Variants in COLGALT2 observed in about 807,000 individuals in gnomAD.
COLGALT2 encodes the protein procollagen galactosyltransferase 2.
Under a neutral mutation model 73.4 loss-of-function variants are expected in COLGALT2, and 49 were observed. The observed-to-expected ratio is 0.67, with a 90% CI of 0.53 to 0.85. COLGALT2 has a LOEUF of 0.85. Ranked by LOEUF, COLGALT2 falls within the 40% of genes least tolerant of loss-of-function variation. The pLI is 0.00. For synonymous variants in COLGALT2, 295 were observed against 307.6 expected, an observed-to-expected ratio of 0.96 and a Z score of 0.43; for missense variants, 722 against 790.2, an observed-to-expected ratio of 0.91 and a Z score of 1.03.
intron 7 of COLGALT2, among the ~76,000 whole-genome samples, 195 bp from the exon 8 acceptor site, chr1:183,951,308 C>T (rs182002912): frequency 6.6e-6 from 1 of 152,292 alleles, no homozygotes; most frequent in Non-Finnish European, 1.5e-5. Context: ...ATTTTCAAAA[C>T]TCAACTCTTC....
chr1:183,975,246 A>T, intron 2 of COLGALT2, 32 bp from the exon 3 acceptor site: 1 of 1,351,598 alleles, frequency 7.4e-7, no homozygotes, highest in Non-Finnish European at 1.1e-6. Context: ...ATCATTATTG[A>T]GTGCCTACAT....
downstream of COLGALT2, among the ~76,000 whole-genome samples, chr1:183,932,684 A>G (rs924809452): frequency 1.3e-5 from 2 of 152,102 alleles, no homozygotes; most frequent in African/African-American, 4.8e-5. Context: ...GGCCCGGCGC[A>G]GCCTCCCTGG....
chr1:183,963,320 TA>T (rs370217171), intron 6 of COLGALT2, among the ~76,000 whole-genome samples: 3 of 152,300 alleles, frequency 2.0e-5, no homozygotes, highest in African/African-American at 4.8e-5. Context: ...ATGGGCATAA[TA>T]AAAACCCTTC....
chr1:183,974,095 T>G (rs1572649438), intron 3 of COLGALT2, among the ~76,000 whole-genome samples: 1 of 152,328 alleles, frequency 6.6e-6, no homozygotes, highest in East Asian at 1.9e-4. Context: ...CAAAAACACT[T>G]ATTGGCTGCC....
At chr1:183,990,564 A>T (rs1454438036) in intron 1 of COLGALT2, among the ~76,000 whole-genome samples, 5 of 152,202 alleles carry the variant, frequency 3.3e-5, no homozygotes, top group African/African-American at 1.2e-4. Context: ...AGTGCCAGGG[A>T]GGAGGGAGTG....
At chr1:183,942,645 T>C (rs1670146918) in intron 10 of COLGALT2, among the ~76,000 whole-genome samples, 1 of 152,238 alleles carries the variant, frequency 6.6e-6, no homozygotes, top group Non-Finnish European at 1.5e-5. Flanking sequence ...TTTCATGTTT[T>C]AGGTTTAAGT....
chr1:184,035,106 G>A (rs910815927), intron 1 of COLGALT2, among the ~76,000 whole-genome samples: 2 of 152,046 alleles, frequency 1.3e-5, no homozygotes, highest in African/African-American at 4.8e-5. Flanking sequence ...AGATTTCAAA[G>A]GTCTATGCAG....
chr1:184,009,320 GAT>G (rs977421875), intron 1 of COLGALT2, among the ~76,000 whole-genome samples: 1 of 152,150 alleles, frequency 6.6e-6, no homozygotes, highest in African/African-American at 2.4e-5. Context: ...TTTATTAAGA[GAT>G]TGACATTTTC....
chr1:183,938,906 T>C lies in COLGALT2; in HGVS notation c.1736A>G (p.Asp579Gly). 6.2e-7 allele frequency: 1 copy of C among 1,614,118 alleles called. No homozygotes were observed. The highest frequency in any genetic ancestry group is 1.1e-5 in the South Asian group (1 of 91,070). Residue 579 changes from aspartate to glycine, a missense_variant, in exon 12 of 12, where the codon GAC becomes GGC. Physicochemically the swap from Asp to Gly is moderately conservative, Grantham distance 94. Coordinates refer to ENST00000361927, the MANE Select transcript of COLGALT2 (RefSeq NM_015101.4). ...LSDTETSTIW[D>G]NETVATDWDR... ...CCAGTCGGTGGCCACTGTCTCATTG[T>C]CCCAGATGGTGGAGGTCTCCGTGTC...
chr1:183,975,710 C>T (rs1671170906), intron 2 of COLGALT2, among the ~76,000 whole-genome samples: 1 of 152,218 alleles, frequency 6.6e-6, no homozygotes, highest in Non-Finnish European at 1.5e-5. Flanking sequence ...TGATTCCACA[C>T]AGCCTAACAC....
intron 6 of COLGALT2, among the ~76,000 whole-genome samples, chr1:183,961,914 C>A (rs766464148): frequency 1.3e-5 from 2 of 152,130 alleles, no homozygotes; most frequent in Non-Finnish European, 2.9e-5. Flanking sequence ...TCAAGAAATA[C>A]TGTCACAGTG....
intron 4 of COLGALT2, among the ~76,000 whole-genome samples, chr1:183,973,404 AT>A (rs1000414315): frequency 3.9e-5 from 6 of 152,082 alleles, no homozygotes; most frequent in African/African-American, 1.4e-4. Context: ...TCTTTAGACT[AT>A]TTTTTTCATA....
chr1:184,028,236 G>A (rs1241409909), intron 1 of COLGALT2, among the ~76,000 whole-genome samples: 1 of 152,160 alleles, frequency 6.6e-6, no homozygotes, highest in Admixed American at 6.5e-5. Context: ...ACTATCCCAA[G>A]AATTTAAGTT....
intron 1 of COLGALT2, among the ~76,000 whole-genome samples, chr1:184,002,957 CTAAA>C (rs1572669691): frequency 1.3e-5 from 2 of 151,820 alleles, no homozygotes; most frequent in East Asian, 1.9e-4. Flanking sequence ...TGGAAACAAA[CTAAA>C]TAAAGATATA....
In COLGALT2 at chr1:183,935,972, T is replaced by A. The variant is rs1223514082; in HGVS notation, c.*2789A>T. The A allele has an allele frequency of 3.0e-6, 3 of 985,194 alleles. No homozygotes were observed. The African/African-American group carries it at 5.2e-5, about 17-fold the overall frequency. The allele number at this position is 985,194 out of a possible 1,614,324, so 61.0% of individuals were successfully genotyped here. On this transcript the variant is annotated 3_prime_UTR_variant, in exon 12 of 12. Coordinates refer to ENST00000361927, the MANE Select transcript of COLGALT2 (RefSeq NM_015101.4). The stretch of plus-strand genomic sequence containing the variant: ...CACTCTTTCTTGTTCTCAGAGCTCC[T>A]GCAGCAGGCCTGAATGAACCGCAAG...
chr1:183,964,112 T>A (rs1670799394), intron 5 of COLGALT2, 92 bp from the exon 6 acceptor site: 1 of 1,378,870 alleles, frequency 7.3e-7, no homozygotes, highest in East Asian at 2.4e-5. Context: ...TGTCTGATGC[T>A]GAGTTTGACA....
chr1:183,958,169 A>G (rs1367702094), intron 6 of COLGALT2, among the ~76,000 whole-genome samples: 1 of 152,180 alleles, frequency 6.6e-6, no homozygotes, highest in Non-Finnish European at 1.5e-5. Flanking sequence ...AGTGCTTTTA[A>G]TAAGTGTTAG....
chr1:183,995,002 C>T (rs1377754438), intron 1 of COLGALT2, among the ~76,000 whole-genome samples: 1 of 151,984 alleles, frequency 6.6e-6, no homozygotes, highest in African/African-American at 2.4e-5. Flanking sequence ...TTAATCCTGG[C>T]TAAATTACTT....
chr1:183,997,479 A>G (rs1278645660), intron 1 of COLGALT2, among the ~76,000 whole-genome samples: 1 of 152,182 alleles, frequency 6.6e-6, no homozygotes, highest in Non-Finnish European at 1.5e-5. Flanking sequence ...GAGGTGTCCA[A>G]TCTCTTGGCT....
Sources: gnomAD v4.1 joint callset for allele counts (sites outside exome capture counted in the v4.1 genomes callset) on GRCh38, gnomAD v4.1.1 for gene constraint, MANE v1.5 for transcripts, NCBI Gene and HGNC (gene_info 2026-07-23, HGNC 2026-07-21) for gene names.